SORCS1: variants seen among roughly 807,000 people sequenced by gnomAD.
SORCS1 encodes the protein VPS10 domain-containing receptor SorCS1.
A neutral mutation model predicts 146.1 loss-of-function variants in SORCS1; 60 were observed. That is an observed-to-expected ratio of 0.41 (90% CI 0.33 to 0.51). SORCS1 has a LOEUF of 0.51. SORCS1 is among the 20% of genes least tolerant of loss of function. SORCS1 has a pLI of 0.21. For synonymous variants in SORCS1, 637 were observed against 584.0 expected (o/e 1.09, Z -1.31); for missense variants, 1,352 against 1,487.6 (o/e 0.91, Z 1.50).
chr10:106,989,977 C>T (rs1203720539), intron 1 of SORCS1, among the ~76,000 whole-genome samples: 2 of 152,098 alleles, frequency 1.3e-5, no homozygotes, highest in Non-Finnish European at 2.9e-5. Context: ...TGAGCCACCA[C>T]ACCCGGCCTA....
At chr10:106,811,600 C>T (rs1396088863) in intron 3 of SORCS1, among the ~76,000 whole-genome samples, 1 of 152,160 alleles carries the variant, frequency 6.6e-6, no homozygotes, top group East Asian at 1.9e-4. Flanking sequence ...GTAATTTAGG[C>T]ACTTCATCCC....
At chr10:106,818,628 G>A (rs1162090256) in intron 3 of SORCS1, among the ~76,000 whole-genome samples, 1 of 152,176 alleles carries the variant, frequency 6.6e-6, no homozygotes, top group Non-Finnish European at 1.5e-5. Context: ...CGGGATTACA[G>A]GTGTGAGCCA....
At chr10:107,070,691 C>T (rs1475155954) in intron 1 of SORCS1, among the ~76,000 whole-genome samples, 50 of 152,198 alleles carry the variant, frequency 3.3e-4, no homozygotes, top group South Asian at 2.1e-4. Context: ...AATAATACCT[C>T]GTTTGTGATT....
intron 4 of SORCS1, among the ~76,000 whole-genome samples, chr10:106,768,995 G>A (rs1211240243): frequency 6.6e-6 from 1 of 152,190 alleles, no homozygotes; most frequent in African/African-American, 2.4e-5. Flanking sequence ...GGGGTAGGAC[G>A]TGACAGAGCA....
chr10:107,053,962 T>G (rs1376053168), intron 1 of SORCS1, among the ~76,000 whole-genome samples: 1 of 152,184 alleles, frequency 6.6e-6, no homozygotes, highest in Non-Finnish European at 1.5e-5. Context: ...TTGCACACTT[T>G]AGAATCCTCT....
intron 5 of SORCS1, among the ~76,000 whole-genome samples, chr10:106,751,735 A>C (rs1167736835): frequency 6.6e-6 from 1 of 152,198 alleles, no homozygotes; most frequent in African/African-American, 2.4e-5. Context: ...CTCTAATTTA[A>C]CTAATGAGGT....
chr10:106,830,249 T>G (rs553025140), intron 2 of SORCS1, among the ~76,000 whole-genome samples: 2 of 152,328 alleles, frequency 1.3e-5, no homozygotes, highest in South Asian at 4.1e-4. Flanking sequence ...AGGACATGAC[T>G]TCTCGACACT....
chr10:106,663,042 A>G (rs1218254610), intron 17 of SORCS1, among the ~76,000 whole-genome samples: 5 of 152,236 alleles, frequency 3.3e-5, no homozygotes, highest in Admixed American at 3.3e-4. Context: ...AAGAGACTTA[A>G]TTATCTTTGT....
intron 1 of SORCS1, among the ~76,000 whole-genome samples, chr10:107,090,204 C>A (rs1964085133): frequency 6.6e-6 from 1 of 152,294 alleles, no homozygotes; most frequent in African/African-American, 2.4e-5. Flanking sequence ...GCACTTTCCC[C>A]AGCAGTGGCC....
At chr10:106,684,479 A>G (rs893905703) in intron 10 of SORCS1, among the ~76,000 whole-genome samples, 3 of 152,202 alleles carry the variant, frequency 2.0e-5, no homozygotes, top group African/African-American at 7.2e-5. Context: ...TGGGAGCCCA[A>G]TCCTGAGGCA....
chr10:106,875,956 G>A lies in SORCS1; in HGVS notation c.627-46283C>T, dbSNP rs372517804. ...TTTCTGGGCTTTATTTTTTCAGTTAGGAGTATAGGCTATGATCAGTTATCA... is the reference window on the plus strand; with the variant it reads ...TTTCTGGGCTTTATTTTTTCAGTTAAGAGTATAGGCTATGATCAGTTATCA... On this transcript the variant is annotated intron_variant, in intron 2 of 25. Coordinates refer to ENST00000263054, the MANE Select transcript of SORCS1 (RefSeq NM_052918.5). Among the ~76,000 whole-genome samples the A allele has an allele frequency of 9.3e-4, 142 of 152,090 alleles. 1 individual carries two copies. In the South Asian group the frequency reaches 0.029, roughly 31 times the overall value.
chr10:106,931,740 TG>T (rs1953431601), intron 2 of SORCS1, among the ~76,000 whole-genome samples: 1 of 152,216 alleles, frequency 6.6e-6, no homozygotes, highest in Non-Finnish European at 1.5e-5. Flanking sequence ...CACTCTGCCC[TG>T]GTAAATTATC....
chr10:106,981,224 G>A (rs1242105488), intron 1 of SORCS1, among the ~76,000 whole-genome samples: 5 of 152,138 alleles, frequency 3.3e-5, no homozygotes, highest in East Asian at 3.9e-4. Flanking sequence ...TGAAAACACT[G>A]AATACTGAAA....
chr10:106,984,657 G>T (rs12569702), intron 1 of SORCS1, among the ~76,000 whole-genome samples: 33,589 of 151,370 alleles, frequency 0.22, 4,509 homozygotes, highest in Middle Eastern at 0.33. Flanking sequence ...TCTCCCAAAG[G>T]GCTGGGATTA....
intron 24 of SORCS1, among the ~76,000 whole-genome samples, chr10:106,582,514 T>A (rs1844982918): frequency 6.6e-6 from 1 of 152,188 alleles, no homozygotes; most frequent in Non-Finnish European, 1.5e-5. Context: ...TATTGCTCCA[T>A]ACAACAGCAG....
At chr10:106,977,670 TAAAG>T (rs1410436328) in intron 1 of SORCS1, among the ~76,000 whole-genome samples, 1 of 151,726 alleles carries the variant, frequency 6.6e-6, no homozygotes, top group East Asian at 1.9e-4. Flanking sequence ...GCACCTGACA[TAAAG>T]AAAGCACCAG....
chr10:106,764,721 G>T (rs1859419141), intron 4 of SORCS1, among the ~76,000 whole-genome samples: 1 of 152,122 alleles, frequency 6.6e-6, no homozygotes, highest in Non-Finnish European at 1.5e-5. Context: ...GCCGTGTCAT[G>T]AACTTAAAAA....
chr10:106,589,085 C>G (rs1197857135), intron 24 of SORCS1, among the ~76,000 whole-genome samples: 1 of 152,142 alleles, frequency 6.6e-6, no homozygotes, highest in Admixed American at 6.5e-5. Flanking sequence ...TCATGTATCT[C>G]AAATGCTTTG....
chr10:107,171,289 A>T, the SORCS1 span, among the ~76,000 whole-genome samples: 1 of 152,184 alleles, frequency 6.6e-6, no homozygotes, highest in African/African-American at 2.4e-5. Flanking sequence ...TGGAACGCAG[A>T]AGGTTCACTC....
Sources: allele counts gnomAD v4.1 joint callset (sites outside exome capture counted in the v4.1 genomes callset), GRCh38; gene constraint gnomAD v4.1.1; transcripts MANE v1.5; gene names NCBI Gene and HGNC (gene_info 2026-07-23, HGNC 2026-07-21).